The following NRCAM variants were observed in gnomAD, a reference collection of about 807,000 sequenced individuals.
NRCAM encodes the protein neuronal cell adhesion molecule.
In NRCAM, 83 loss-of-function variants were observed where a neutral mutation model predicts 156.5. That is an observed-to-expected ratio of 0.53 (90% CI 0.44 to 0.64). NRCAM has a LOEUF of 0.64. Ranked by LOEUF, NRCAM falls within the 30% of genes least tolerant of loss-of-function variation. The pLI, the probability that NRCAM is intolerant of heterozygous loss-of-function variation, is 0.00. For missense variants in NRCAM, 1,417 were observed against 1,597.3 expected (o/e 0.89, Z 1.92); for synonymous variants, 538 against 563.9 (o/e 0.95, Z 0.65).
At chr7:108,177,652 T>TAC (rs2061313344) in intron 26 of NRCAM, among the ~76,000 whole-genome samples, 1 of 16,642 alleles carries the variant, frequency 6.0e-5, no homozygotes, top group African/African-American at 1.0e-4. Context: ...TATATATATA[T>TAC]ATATATATGT....
chr7:108,426,546 C>A (rs1026640681), intron 1 of NRCAM, among the ~76,000 whole-genome samples: 1 of 152,266 alleles, frequency 6.6e-6, no homozygotes, highest in East Asian at 1.9e-4. Flanking sequence ...AAGCCCACCC[C>A]CCTTATAAAA....
intron 1 of NRCAM, among the ~76,000 whole-genome samples, chr7:108,439,570 G>T (rs1836152108): frequency 6.6e-6 from 1 of 152,032 alleles, no homozygotes; most frequent in African/African-American, 2.4e-5. Context: ...AAAAAGACAG[G>T]CAAGCCGGGC....
chr7:108,227,255 A>G (rs2093623389), intron 8 of NRCAM, among the ~76,000 whole-genome samples: 1 of 152,150 alleles, frequency 6.6e-6, no homozygotes, highest in Non-Finnish European at 1.5e-5. Context: ...CAAGCATAAT[A>G]ATTTATTAGT....
At chr7:108,177,661 GTATATACGTGTATA>G (rs1187434417) in intron 26 of NRCAM, among the ~76,000 whole-genome samples, 4 of 13,514 alleles carry the variant, frequency 3.0e-4, no homozygotes, top group Admixed American at 1.2e-3. Context: ...ATATATATAT[GTATATACGTGTATA>G]TATATACGTG....
At position 108,381,881 on chromosome 7, in the gene NRCAM, T is replaced by C. The variant is rs117800417; in HGVS notation, c.-174+17555A>G. Reference sequence around the variant, plus strand: ...TGGCCTGCCTTGACCATTTTTTACATGGCTTTAGGGTAATCTCATCCTATC... The same window carrying C: ...TGGCCTGCCTTGACCATTTTTTACACGGCTTTAGGGTAATCTCATCCTATC... On this transcript the variant is annotated intron_variant, in intron 2 of 32. Transcript: ENST00000379028. Among the ~76,000 whole-genome samples, 140 of 152,216 alleles carry C rather than the reference T, an allele frequency of 9.2e-4. 1 individual carries two copies. The East Asian group carries it at 0.019, about 20-fold the overall frequency.
At chr7:108,206,343 T>C (rs113651319) in intron 13 of NRCAM, among the ~76,000 whole-genome samples, 2,266 of 152,332 alleles carry the variant, frequency 0.015, 60 homozygotes, top group African/African-American at 0.051. Flanking sequence ...CTTTTGGTTA[T>C]GTAAATGTAG....
Position 108,167,798 on chromosome 7 carries a change from T to TA in NRCAM, c.3313+478dup, listed in dbSNP as rs1206080288. Among the ~76,000 whole-genome samples the TA allele has an allele frequency of 8.5e-5, 13 of 152,316 alleles. No homozygotes were observed. In the East Asian group the frequency reaches 2.3e-3, roughly 27 times the overall value. On this transcript the variant is annotated intron_variant, in intron 29 of 32. Coordinates refer to ENST00000379028, the MANE Select transcript of NRCAM (RefSeq NM_001037132.4). ...CCTGACTTGAGAATACATCAAACGTTAAAACATAATGAATGCTCTCCCAAA... is the reference window on the plus strand; with the variant it reads ...CCTGACTTGAGAATACATCAAACGTTAAAAACATAATGAATGCTCTCCCAAA...
intron 2 of NRCAM, among the ~76,000 whole-genome samples, chr7:108,362,421 T>C (rs1051158601): frequency 3.3e-5 from 5 of 152,204 alleles, no homozygotes; most frequent in Admixed American, 3.3e-4. Context: ...AATGGGTGAA[T>C]GGGTAACCAA....
At chr7:108,302,519 T>C (rs2098642579) in intron 3 of NRCAM, among the ~76,000 whole-genome samples, 1 of 152,194 alleles carries the variant, frequency 6.6e-6, no homozygotes, top group Admixed American at 6.5e-5. Context: ...GAACAAATTA[T>C]GTCTCAAATA....
At chr7:108,176,320 G>A (rs146955970) in intron 27 of NRCAM, 110 bp downstream of exon 27, 106 of 907,442 alleles carry the variant, frequency 1.2e-4, no homozygotes, top group East Asian at 4.2e-4. Context: ...AAGTGTTTGC[G>A]TTAATCAGGT....
intron 2 of NRCAM, among the ~76,000 whole-genome samples, chr7:108,362,038 C>A (rs1563439078): frequency 6.6e-6 from 1 of 152,144 alleles, no homozygotes. Context: ...CATAATGCCC[C>A]AAACTGGAAG....
chr7:108,420,545 G>T (rs1258142290), intron 1 of NRCAM, among the ~76,000 whole-genome samples: 2 of 152,178 alleles, frequency 1.3e-5, no homozygotes, highest in Non-Finnish European at 2.9e-5. Context: ...TCAGCTAGAT[G>T]GAAAGATATG....
At chr7:108,452,408 T>TG (rs1554665624) in intron 1 of NRCAM, among the ~76,000 whole-genome samples, 2,516 of 151,086 alleles carry the variant, frequency 0.017, 38 homozygotes, top group African/African-American at 0.024. Context: ...ATTAATGCTG[T>TG]GGGGGGGGGA....
chr7:108,299,105 C>CAAAAAAAA (rs1292917918), intron 3 of NRCAM, among the ~76,000 whole-genome samples: 186 of 16,812 alleles, frequency 0.011, 6 homozygotes, highest in African/African-American at 0.02. Flanking sequence ...GACTCCATCT[C>CAAAAAAAA]AAAAAAAAAA....
chr7:108,255,204 C>T (rs1055903925), intron 3 of NRCAM, among the ~76,000 whole-genome samples: 2 of 146,012 alleles, frequency 1.4e-5, no homozygotes, highest in African/African-American at 5.2e-5. Context: ...CCACGGTCTC[C>T]CTCTGATGCG....
chr7:108,183,498 G>C (rs570576864), intron 22 of NRCAM, among the ~76,000 whole-genome samples: 122 of 151,710 alleles, frequency 8.0e-4, no homozygotes, highest in Non-Finnish European at 1.6e-3. Flanking sequence ...TAAAGAAGTT[G>C]ACTGCTGGGA....
intron 3 of NRCAM, among the ~76,000 whole-genome samples, chr7:108,283,186 G>C (rs2097922208): frequency 6.6e-6 from 1 of 152,192 alleles, no homozygotes; most frequent in Admixed American, 6.5e-5. Context: ...AAATTTTGGT[G>C]GTGGGAAGTT....
At chr7:108,184,188 CT>C (rs899246417) in intron 22 of NRCAM, 52 bp downstream of exon 22, 74 of 1,464,884 alleles carry the variant, frequency 5.1e-5, no homozygotes, top group Admixed American at 1.7e-4. Context: ...TTTCAAACAA[CT>C]TTTTTTTCAC....
At chr7:108,203,623 A>G (rs2079378849) in intron 13 of NRCAM, among the ~76,000 whole-genome samples, 1 of 152,184 alleles carries the variant, frequency 6.6e-6, no homozygotes, top group South Asian at 2.1e-4. Flanking sequence ...GGAGACAGTC[A>G]GTGTCCTTAG....
Sources: gnomAD v4.1 joint callset for allele counts (sites outside exome capture counted in the v4.1 genomes callset) on GRCh38, gnomAD v4.1.1 for gene constraint, MANE v1.5 for transcripts, NCBI Gene and HGNC (gene_info 2026-07-23, HGNC 2026-07-21) for gene names.